PXDC1: variants seen among roughly 807,000 people sequenced by gnomAD.
The protein encoded by PXDC1 is PX domain-containing protein 1.
In PXDC1, 13 loss-of-function variants were observed where a neutral mutation model predicts 24.4. The ratio of observed to expected loss-of-function variants is 0.53; its 90% confidence interval spans 0.35 to 0.85. PXDC1 has a LOEUF of 0.85. PXDC1 is among the 40% of genes least tolerant of loss of function. PXDC1 has a pLI of 0.01. For missense variants in PXDC1, 344 were observed against 309.3 expected (o/e 1.11, Z -0.84); for synonymous variants, 162 against 124.9 (o/e 1.30, Z -1.98).
chr6:3,751,183 G>A (rs1326402254), intron 1 of PXDC1, 93 bp downstream of exon 1: 3 of 1,003,190 alleles, frequency 3.0e-6, no homozygotes, highest in Non-Finnish European at 4.1e-6. Flanking sequence ...GAAAGGAGAA[G>A]TCGCAATCTC....
rs372868783 is a variant in PXDC1, at chr6:3,738,119, T to A, written c.286A>T (p.Ile96Leu). 5.6e-6 allele frequency: 9 copies of A among 1,613,990 alleles called. No individual in the cohort carries two copies. Among genetic ancestry groups the A allele is most frequent in the Non-Finnish European group, 7.6e-6 (9 of 1,179,982 alleles). ...TCCACCTCATTAAGCCTGGTCTCTA[T>A]GTCGTGGGCTTCCTTTATGGCAACC... ...GLVAIKEAHD[I>L]ETRLNEVEKL... Residue 96 changes from isoleucine (I) to leucine (L), a missense_variant, in exon 2 of 5, where the codon ATA becomes TTA. By Grantham distance (5) the Ile-to-Leu change is conservative. Transcript: ENST00000380283.
At chr6:3,751,009 G>A (rs1760700193) in intron 1 of PXDC1, 1 of 436,264 alleles carries the variant, frequency 2.3e-6, no homozygotes, top group African/African-American at 2.1e-5. Flanking sequence ...GGGAGAGTCC[G>A]GCGCCCGCCC....
At chr6:3,751,241 G>A (rs1316471062) in intron 1 of PXDC1, 35 bp downstream of exon 1, 18 of 1,410,930 alleles carry the variant, frequency 1.3e-5, no homozygotes, top group Middle Eastern at 2.4e-4. Context: ...AGGCTGCCTC[G>A]GCCCCGCGCC....
In PXDC1 at chr6:3,737,977, G is replaced by A. The variant is rs1387917395; in HGVS notation, c.348+80C>T. ...ACAGAGCAAGCAAGTCAACCCTCCG[G>A]GGGGATGGACGCCTTTCGCATTTGG... On this transcript the variant is annotated intron_variant, in intron 2 of 4. Transcript: ENST00000380283. This position sits in a 1 kb window ranked among gnomAD's most constrained non-coding sequence, Gnocchi z 5.5. 2 of 1,183,550 alleles carry A rather than the reference G, an allele frequency of 1.7e-6. No individual in the cohort carries two copies. Among genetic ancestry groups the A allele is most frequent in the East Asian group, 4.7e-5 (2 of 42,936 alleles). The allele number at this position is 1,183,550 out of a possible 1,614,324, so 73.3% of individuals were successfully genotyped here. A position where few individuals can be genotyped will look rare whatever the true frequency, so the allele number is the denominator to read the frequency against.
chr6:3,723,635 G>A lies in PXDC1; in HGVS notation c.680C>T (p.Thr227Ile). Residue 227 changes from threonine to isoleucine, a missense_variant, in exon 5 of 5, where the codon ACA (threonine) becomes ATA (isoleucine). By Grantham distance (89) the Thr-to-Ile change is moderately conservative. Transcript: ENST00000380283. ...LSYYHLVPFETDIWD is the reference protein window; with the variant it reads ...LSYYHLVPFEIDIWD ...TAGAGAGGTTCAGTCCCAAATGTCT[G>A]TCTCGAAGGGGACCAGGTGGTAATA... 2 of 1,613,824 alleles carry A rather than the reference G, an allele frequency of 1.2e-6. No individual in the cohort carries two copies. Among genetic ancestry groups the A allele is most frequent in the African/African-American group, 1.3e-5 (1 of 75,044 alleles).
chr6:3,747,480 A>T (rs1202137964), intron 1 of PXDC1, among the ~76,000 whole-genome samples: 1 of 151,820 alleles, frequency 6.6e-6, no homozygotes, highest in Non-Finnish European at 1.5e-5. Context: ...TTCCTGACCA[A>T]CAGTCTCCAC....
intron 3 of PXDC1, among the ~76,000 whole-genome samples, chr6:3,735,483 T>C (rs984510479): frequency 6.6e-6 from 1 of 152,238 alleles, no homozygotes; most frequent in African/African-American, 2.4e-5. Context: ...CCTGCAGGCA[T>C]TACGTTAAGT....
At chr6:3,738,767 G>A (rs1760386737) in intron 1 of PXDC1, 2 of 1,295,918 alleles carry the variant, frequency 1.5e-6, no homozygotes, top group African/African-American at 1.5e-5. Flanking sequence ...GTGGCTGTCA[G>A]GCAGCATAAT....
intron 3 of PXDC1, among the ~76,000 whole-genome samples, chr6:3,732,399 G>A (rs980155811): frequency 1.3e-5 from 2 of 152,326 alleles, no homozygotes; most frequent in African/African-American, 4.8e-5. Flanking sequence ...GGTTGAGATT[G>A]GCCAGAAGCC....
intron 4 of PXDC1, 103 bp from the exon 5 acceptor site, chr6:3,723,839 G>A: frequency 1.1e-6 from 1 of 870,648 alleles, no homozygotes; most frequent in Admixed American, 2.0e-5. Context: ...GCTAGTAAGT[G>A]TGCAAAAAAA....
Position 3,737,296 on chromosome 6 carries a change from G to A in PXDC1, c.349-100C>T, listed in dbSNP as rs565594949. 25 of 827,354 alleles carry A rather than the reference G, an allele frequency of 3.0e-5. No homozygotes were observed. The highest frequency in any genetic ancestry group is 2.7e-4 in the East Asian group (11 of 40,848). 51.3% of individuals were successfully genotyped at this position (827,354 alleles called of 1,614,324 possible). A position where few individuals can be genotyped will look rare whatever the true frequency, so the allele number is the denominator to read the frequency against. On this transcript the variant is annotated intron_variant, in intron 2 of 4. Coordinates refer to ENST00000380283, the MANE Select transcript of PXDC1 (RefSeq NM_183373.4). This position sits in a 1 kb window ranked among gnomAD's most constrained non-coding sequence, Gnocchi z 5.5. The stretch of plus-strand genomic sequence containing the variant: ...CCCCGCTCCTCCGCAGAGGCAGCCT[G>A]TGTGATGCAAACGCCCCATGAATGT...
chr6:3,746,169 G>C (rs1157333190), intron 1 of PXDC1, among the ~76,000 whole-genome samples: 1 of 152,182 alleles, frequency 6.6e-6, no homozygotes, highest in Admixed American at 6.5e-5. Flanking sequence ...TCTGTCTGTG[G>C]AAGTGTCCAG....
At chr6:3,743,739 G>GT (rs1760500910) in intron 1 of PXDC1, among the ~76,000 whole-genome samples, 1 of 152,230 alleles carries the variant, frequency 6.6e-6, no homozygotes, top group African/African-American at 2.4e-5. Context: ...CCTGTGGAGT[G>GT]TCACGCAGTA....
chr6:3,735,418 A>G (rs933824951), intron 3 of PXDC1, among the ~76,000 whole-genome samples: 1 of 152,268 alleles, frequency 6.6e-6, no homozygotes, highest in African/African-American at 2.4e-5. Context: ...ACAACGGAAT[A>G]CTATTCAGCC....
chr6:3,740,477 G>A (rs375993895), intron 1 of PXDC1, among the ~76,000 whole-genome samples: 53 of 152,234 alleles, frequency 3.5e-4, no homozygotes, highest in African/African-American at 1.1e-3. Flanking sequence ...CTTTGGGTCC[G>A]GTATTTTATC....
intron 1 of PXDC1, among the ~76,000 whole-genome samples, chr6:3,742,280 C>A (rs1760465270): frequency 1.3e-5 from 2 of 152,194 alleles, no homozygotes; most frequent in Admixed American, 1.3e-4. Flanking sequence ...CTAGTGGATT[C>A]TTTCCAAATG....
At chr6:3,750,741 G>C (rs1760688824) in intron 1 of PXDC1, among the ~76,000 whole-genome samples, 1 of 152,140 alleles carries the variant, frequency 6.6e-6, no homozygotes, top group African/African-American at 2.4e-5. Flanking sequence ...CGGCCGCTCC[G>C]AGGAGGGACG....
chr6:3,749,996 A>G (rs769984823), intron 1 of PXDC1, among the ~76,000 whole-genome samples: 3 of 152,250 alleles, frequency 2.0e-5, no homozygotes, highest in Non-Finnish European at 4.4e-5. Context: ...CATGCTTGAA[A>G]TAACACCCAA....
rs1760113050 is a variant in PXDC1, at chr6:3,728,261, G to GT, written c.467-600dup. On this transcript the variant is annotated intron_variant, in intron 3 of 4. Transcript: ENST00000380283. This position sits in a 1 kb window ranked among gnomAD's most constrained non-coding sequence, Gnocchi z 4.0. ...ACCCAAGCAGGGTACACTATACCCAGTAAGTAGTCTTTTATCCCTCACCCC... is the reference window on the plus strand; with the variant it reads ...ACCCAAGCAGGGTACACTATACCCAGTTAAGTAGTCTTTTATCCCTCACCCC... Among the ~76,000 whole-genome samples the GT allele has an allele frequency of 6.6e-6, 1 of 152,190 alleles. No homozygotes were observed. The highest frequency in any genetic ancestry group is 2.1e-4 in the South Asian group (1 of 4,834).
Sources: allele counts gnomAD v4.1 joint callset (sites outside exome capture counted in the v4.1 genomes callset), GRCh38; gene constraint gnomAD v4.1.1; non-coding constraint Gnocchi (gnomAD v3.1); transcripts MANE v1.5; gene names NCBI Gene and HGNC (gene_info 2026-07-23, HGNC 2026-07-21).